Variants in PPM1L observed in about 807,000 individuals in gnomAD.
PPM1L encodes protein phosphatase, Mg2+/Mn2+ dependent 1L, also known as protein phosphatase 1L.
A neutral mutation model predicts 31.4 loss-of-function variants in PPM1L; 13 were observed. The observed-to-expected ratio is 0.41, with a 90% CI of 0.27 to 0.66. PPM1L has a LOEUF of 0.66. Ranked by LOEUF, PPM1L falls within the 30% of genes least tolerant of loss-of-function variation. PPM1L has a pLI of 0.29. For synonymous variants in PPM1L, 184 were observed against 175.4 expected (o/e 1.05, Z -0.39); for missense variants, 326 against 453.7 (o/e 0.72, Z 2.56).
intron 1 of PPM1L, among the ~76,000 whole-genome samples, chr3:160,927,695 C>G (rs1714649524): frequency 1.3e-5 from 2 of 152,082 alleles, no homozygotes; most frequent in African/African-American, 4.8e-5. Context: ...ATAAGAAAAG[C>G]TATTTGCCTC....
At chr3:161,068,715 C>T (rs1719817348) in intron 3 of PPM1L, 96 bp from the exon 4 acceptor site, 2 of 1,006,538 alleles carry the variant, frequency 2.0e-6, no homozygotes, top group Admixed American at 5.4e-5. Flanking sequence ...GCCCAGTTCA[C>T]ATGAAGTAGG....
At chr3:160,909,609 TAAG>T (rs1219289084) in intron 1 of PPM1L, among the ~76,000 whole-genome samples, 1 of 151,974 alleles carries the variant, frequency 6.6e-6, no homozygotes, top group African/African-American at 2.4e-5. Flanking sequence ...AGCCCTCTCT[TAAG>T]GAGGGAGTTT....
rs74596047 is a variant in PPM1L at position 160,964,433 on chromosome 3, A to G, written c.574+2523A>G. Among the ~76,000 whole-genome samples, 869 of 152,160 alleles carry G rather than the reference A, an allele frequency of 5.7e-3. 14 individuals carry two copies. The highest frequency in any genetic ancestry group is 0.05 in the East Asian group (259 of 5,174). ...CTGTATTAAATGGAAGTGGACCATC[A>G]TAAAGGTCTTCATCCTCATTGTCTT... On this transcript the variant is annotated intron_variant, in intron 2 of 3. Coordinates refer to ENST00000498165, the MANE Select transcript of PPM1L (RefSeq NM_139245.4).
Position 161,049,627 on chromosome 3 carries a change from G to A in PPM1L, c.575-15776G>A, listed in dbSNP as rs558544427. Among the ~76,000 whole-genome samples the A allele has an allele frequency of 1.1e-4, 16 of 152,282 alleles. No individual in the cohort carries two copies. The South Asian group carries it at 3.1e-3, about 30-fold the overall frequency. On this transcript the variant is annotated intron_variant, in intron 2 of 3. Coordinates refer to ENST00000498165, the MANE Select transcript of PPM1L (RefSeq NM_139245.4). Reference sequence around the variant, plus strand: ...TTCTTATTCCATATCTGTAGAATGGGATAGGGGATGGTAATAATAATCCCA... The same window carrying A: ...TTCTTATTCCATATCTGTAGAATGGAATAGGGGATGGTAATAATAATCCCA...
chr3:160,757,745 C>T (rs1457673364), intron 1 of PPM1L, among the ~76,000 whole-genome samples: 1 of 152,204 alleles, frequency 6.6e-6, no homozygotes. Context: ...TGGCAGCATA[C>T]TTTTCTTATT....
intron 2 of PPM1L, among the ~76,000 whole-genome samples, chr3:161,027,486 CT>C (rs1718436030): frequency 6.6e-6 from 1 of 152,168 alleles, no homozygotes; most frequent in African/African-American, 2.4e-5. Context: ...CAAGTCTTAC[CT>C]TACATGGATG....
At chr3:161,060,136 G>T (rs1576624045) in intron 2 of PPM1L, among the ~76,000 whole-genome samples, 2 of 152,132 alleles carry the variant, frequency 1.3e-5, no homozygotes, top group African/African-American at 4.8e-5. Context: ...CTACATAATT[G>T]TGTGTTGTAA....
chr3:160,979,191 C>CA (rs1390465562), intron 2 of PPM1L, among the ~76,000 whole-genome samples: 2 of 152,120 alleles, frequency 1.3e-5, no homozygotes, highest in Admixed American at 1.3e-4. Flanking sequence ...TGAGATGTAA[C>CA]ATTCAAATTG....
rs530546922 is a variant in PPM1L at position 161,006,672 on chromosome 3, C to T, written c.574+44762C>T. ...CCATCAAACACTTCAGAAAACCCAC[C>T]GTCTTTCCTTTTTTTTTTTTTTTTT... On this transcript the variant is annotated intron_variant, in intron 2 of 3. Coordinates refer to ENST00000498165, the MANE Select transcript of PPM1L (RefSeq NM_139245.4). Among the ~76,000 whole-genome samples, 19 of 148,782 alleles carry T rather than the reference C, an allele frequency of 1.3e-4. No homozygotes were observed. In the East Asian group the frequency reaches 2.4e-3, roughly 19 times the overall value.
chr3:160,915,230 G>A (rs1714125938), intron 1 of PPM1L, among the ~76,000 whole-genome samples: 1 of 152,136 alleles, frequency 6.6e-6, no homozygotes, highest in African/African-American at 2.4e-5. Flanking sequence ...CAAAATCAAT[G>A]TGCAAAAATC....
At chr3:160,988,517 T>C (rs1231506960) in intron 2 of PPM1L, among the ~76,000 whole-genome samples, 1 of 152,182 alleles carries the variant, frequency 6.6e-6, no homozygotes. Flanking sequence ...ATCCTCAAGC[T>C]GCTTAACTGA....
At position 161,072,789 on chromosome 3, in the gene PPM1L, A is replaced by G. The variant is rs1719970721; in HGVS notation, c.*3632A>G. ...GTCAATGAAAGGTCTGTGTTTAGAAAAGGCAGCATATCATTGTATATTTGA... is the reference window on the plus strand; with the variant it reads ...GTCAATGAAAGGTCTGTGTTTAGAAGAGGCAGCATATCATTGTATATTTGA... On this transcript the variant is annotated 3_prime_UTR_variant, in exon 4 of 4. Transcript: ENST00000498165. 1 of 152,130 alleles carries G rather than the reference A, an allele frequency of 6.6e-6. No individual in the cohort carries two copies. The highest frequency in any genetic ancestry group is 1.5e-5 in the Non-Finnish European group (1 of 68,034). The allele number at this position is 152,130 out of a possible 1,614,324, so 9.4% of individuals were successfully genotyped here.
chr3:160,821,632 A>T (rs1713204899), intron 1 of PPM1L, among the ~76,000 whole-genome samples: 1 of 152,108 alleles, frequency 6.6e-6, no homozygotes, highest in Non-Finnish European at 1.5e-5. Flanking sequence ...AAAATGGTAC[A>T]GCTAAGAGTC....
intron 1 of PPM1L, among the ~76,000 whole-genome samples, chr3:160,933,105 A>G (rs910668590): frequency 6.6e-6 from 1 of 152,240 alleles, no homozygotes; most frequent in African/African-American, 2.4e-5. Context: ...TAGTTGAGAA[A>G]GTGAGGCACA....
At chr3:161,068,664 A>C in intron 3 of PPM1L, 147 bp from the exon 4 acceptor site, 1 of 633,788 alleles carries the variant, frequency 1.6e-6, no homozygotes, top group Non-Finnish European at 2.8e-6. Context: ...CAGGCCATGC[A>C]GTGGGTCCCA....
intron 1 of PPM1L, among the ~76,000 whole-genome samples, chr3:160,842,666 A>C (rs1256802164): frequency 1.3e-5 from 2 of 152,112 alleles, no homozygotes; most frequent in Non-Finnish European, 1.5e-5. Flanking sequence ...TAAGGCTTGT[A>C]TTAAATCTCT....
At chr3:160,906,517 G>A (rs1305516485) in intron 1 of PPM1L, among the ~76,000 whole-genome samples, 1 of 152,144 alleles carries the variant, frequency 6.6e-6, no homozygotes, top group African/African-American at 2.4e-5. Context: ...CAGGAGAATT[G>A]CTTGAACCTG....
chr3:161,000,066 G>A (rs976216389), intron 2 of PPM1L, among the ~76,000 whole-genome samples: 8 of 152,124 alleles, frequency 5.3e-5, no homozygotes, highest in Non-Finnish European at 1.2e-4. Context: ...ATAGATGTTC[G>A]GTAAATGTTT....
In PPM1L at chr3:161,078,802, T is replaced by C. The variant is rs1307687680; in HGVS notation, c.*9645T>C. On this transcript the variant is annotated 3_prime_UTR_variant, in exon 4 of 4. Transcript: ENST00000498165. ...AGCCTTGTAGAGACTAATGTGTTCA[T>C]GCTATCTCTGATCCTGTGGTGTTGT... 1 of 152,200 alleles carries C rather than the reference T, an allele frequency of 6.6e-6. No homozygotes were observed. Among genetic ancestry groups the C allele is most frequent in the East Asian group, 1.9e-4 (1 of 5,196 alleles). The allele number at this position is 152,200 out of a possible 1,614,324, so 9.4% of individuals were successfully genotyped here. A position where few individuals can be genotyped will look rare whatever the true frequency, so the allele number is the denominator to read the frequency against.
Sources: allele counts gnomAD v4.1 joint callset (sites outside exome capture counted in the v4.1 genomes callset), GRCh38; gene constraint gnomAD v4.1.1; transcripts MANE v1.5; gene names NCBI Gene and HGNC (gene_info 2026-07-23, HGNC 2026-07-21).